The following SLIT3 variants were observed in gnomAD, a reference collection of about 807,000 sequenced individuals.
SLIT3 encodes slit guidance ligand 3, also known as slit homolog 3 protein.
Under a neutral mutation model 184.0 loss-of-function variants are expected in SLIT3, and 68 were observed. That is an observed-to-expected ratio of 0.37 (90% CI 0.30 to 0.45). The LOEUF is 0.45. SLIT3 is among the 20% of genes least tolerant of loss of function. The probability of loss-of-function intolerance (pLI) is 1.00; values close to 1 mark genes in which losing one functional copy is unlikely to be tolerated. For synonymous variants in SLIT3, 831 were observed against 828.6 expected (o/e 1.00, Z -0.05); for missense variants, 1,707 against 2,026.0 (o/e 0.84, Z 3.02).
intron 4 of SLIT3, among the ~76,000 whole-genome samples, chr5:169,146,248 G>A (rs1226256280): frequency 2.6e-5 from 4 of 152,348 alleles, no homozygotes; most frequent in East Asian, 1.9e-4. Context: ...TTCAAACCCA[G>A]GCAGCCAGGC....
chr5:168,687,674 A>C (rs1279727268), intron 29 of SLIT3, among the ~76,000 whole-genome samples: 1 of 152,254 alleles, frequency 6.6e-6, no homozygotes, highest in East Asian at 1.9e-4. Flanking sequence ...CTTTAAATGC[A>C]ATTGATAAAT....
At chr5:168,818,514 T>G (rs941369171) in intron 7 of SLIT3, among the ~76,000 whole-genome samples, 2 of 152,236 alleles carry the variant, frequency 1.3e-5, no homozygotes, top group African/African-American at 4.8e-5. Flanking sequence ...CCTAGGTCAC[T>G]AGAAGTTGGT....
At chr5:169,129,397 C>T (rs1426458648) in intron 4 of SLIT3, among the ~76,000 whole-genome samples, 1 of 152,026 alleles carries the variant, frequency 6.6e-6, no homozygotes, top group Non-Finnish European at 1.5e-5. Flanking sequence ...ACTAAAAATA[C>T]AAAAATAAGC....
chr5:168,948,612 G>A (rs975710264), intron 4 of SLIT3, among the ~76,000 whole-genome samples: 5 of 152,086 alleles, frequency 3.3e-5, no homozygotes, highest in African/African-American at 1.2e-4. Flanking sequence ...CAAGATGCAG[G>A]GCTGAGAATT....
chr5:168,757,078 T>G (rs1754972786), intron 16 of SLIT3, among the ~76,000 whole-genome samples: 1 of 152,178 alleles, frequency 6.6e-6, no homozygotes, highest in South Asian at 2.1e-4. Context: ...GGACAGAAAG[T>G]GCAGCCTGGG....
chr5:169,167,506 G>A (rs553939536), intron 4 of SLIT3, among the ~76,000 whole-genome samples: 27 of 151,972 alleles, frequency 1.8e-4, no homozygotes, highest in African/African-American at 6.0e-4. Flanking sequence ...TCGATCTCCT[G>A]ACCTCGTGAT....
chr5:169,147,856 A>G (rs1761978571), intron 4 of SLIT3, among the ~76,000 whole-genome samples: 1 of 152,004 alleles, frequency 6.6e-6, no homozygotes, highest in South Asian at 2.1e-4. Context: ...CTCTCTCAGT[A>G]CCCCACCTAC....
At chr5:169,070,412 A>AAT (rs1463560479) in intron 4 of SLIT3, among the ~76,000 whole-genome samples, 1 of 152,184 alleles carries the variant, frequency 6.6e-6, no homozygotes, top group African/African-American at 2.4e-5. Context: ...TATTGGGTAG[A>AAT]ATCTCAGGCT....
intron 4 of SLIT3, among the ~76,000 whole-genome samples, chr5:169,082,672 C>T (rs760789436): frequency 3.9e-5 from 6 of 152,338 alleles, no homozygotes; most frequent in South Asian, 2.1e-4. Flanking sequence ...AGAGTTATCA[C>T]AACTTGCCAT....
At chr5:168,691,402 T>C (rs1761901327) in intron 29 of SLIT3, among the ~76,000 whole-genome samples, 1 of 152,252 alleles carries the variant, frequency 6.6e-6, no homozygotes, top group Non-Finnish European at 1.5e-5. Flanking sequence ...TTTAGAATCA[T>C]AGTCACAAAT....
At chr5:168,775,762 T>C (rs1755724486) in intron 12 of SLIT3, among the ~76,000 whole-genome samples, 1 of 152,154 alleles carries the variant, frequency 6.6e-6, no homozygotes, top group Non-Finnish European at 1.5e-5. Flanking sequence ...AGGGTCAGCC[T>C]TCCTATCCAT....
At chr5:169,147,299 C>T (rs973966384) in intron 4 of SLIT3, among the ~76,000 whole-genome samples, 1 of 152,206 alleles carries the variant, frequency 6.6e-6, no homozygotes, top group Non-Finnish European at 1.5e-5. Flanking sequence ...GATGGAGTCT[C>T]ACTCTCTTGC....
At chr5:168,852,004 G>A (rs1051443348) in intron 5 of SLIT3, among the ~76,000 whole-genome samples, 2 of 152,202 alleles carry the variant, frequency 1.3e-5, no homozygotes, top group Non-Finnish European at 2.9e-5. Context: ...TGCATTCTCT[G>A]CCTTCCTCGT....
Position 168,692,744 on chromosome 5 carries a change from G to A in SLIT3, c.3083-44C>T, listed in dbSNP as rs779374186. The A allele has an allele frequency of 1.5e-5, 22 of 1,420,046 alleles. No individual in the cohort carries two copies. The African/African-American group carries it at 2.7e-4, about 17-fold the overall frequency. The allele number at this position is 1,420,046 out of a possible 1,614,324, so 88.0% of individuals were successfully genotyped here. On this transcript the variant is annotated intron_variant, in intron 28 of 35. Transcript: ENST00000519560. ...ATAGCTCAGGCCTCAGGCAGGGTAG[G>A]GATGCCCTGGCCAGAAGATCAGAGT...
intron 11 of SLIT3, 90 bp from the exon 12 acceptor site, chr5:168,786,068 T>C: frequency 1.2e-6 from 1 of 857,176 alleles, no homozygotes. Context: ...CGGCCAGTTC[T>C]GGGTATGAGA....
chr5:168,963,889 C>A (rs1365667620), intron 4 of SLIT3, among the ~76,000 whole-genome samples: 1 of 152,132 alleles, frequency 6.6e-6, no homozygotes, highest in African/African-American at 2.4e-5. Context: ...TACCATAGTG[C>A]CTTAAGCAAA....
At chr5:168,946,031 C>T (rs531472989) in intron 4 of SLIT3, among the ~76,000 whole-genome samples, 1 of 152,304 alleles carries the variant, frequency 6.6e-6, no homozygotes, top group African/African-American at 2.4e-5. Flanking sequence ...GTGCTGTATT[C>T]TTATTTAATT....
intron 4 of SLIT3, among the ~76,000 whole-genome samples, chr5:169,086,109 T>A (rs373365133): frequency 5.9e-5 from 9 of 152,104 alleles, no homozygotes; most frequent in African/African-American, 2.2e-4. Flanking sequence ...CTTCAGAAGC[T>A]CTCGTGGCCC....
intron 20 of SLIT3, among the ~76,000 whole-genome samples, chr5:168,726,712 C>T (rs1398374145): frequency 6.6e-6 from 1 of 151,926 alleles, no homozygotes; most frequent in Non-Finnish European, 1.5e-5. Context: ...GTGGCTCATG[C>T]CTGTAATCCC....
Sources: allele counts gnomAD v4.1 joint callset (sites outside exome capture counted in the v4.1 genomes callset), GRCh38; gene constraint gnomAD v4.1.1; transcripts MANE v1.5; gene names NCBI Gene and HGNC (gene_info 2026-07-23, HGNC 2026-07-21).